The following INPP4B variants were observed in gnomAD, a reference collection of about 807,000 sequenced individuals.
The protein encoded by INPP4B is inositol polyphosphate-4-phosphatase type II B.
A neutral mutation model predicts 122.5 loss-of-function variants in INPP4B; 55 were observed. The observed-to-expected ratio is 0.45, with a 90% CI of 0.36 to 0.56. The LOEUF is 0.56. Ranked by LOEUF, INPP4B falls within the 20% of genes least tolerant of loss-of-function variation. The probability of loss-of-function intolerance (pLI) is 0.00; values close to 1 mark genes in which losing one functional copy is unlikely to be tolerated. For synonymous variants in INPP4B, 403 were observed against 388.7 expected, an observed-to-expected ratio of 1.04 and a Z score of -0.43; for missense variants, 1,000 against 1,097.7, an observed-to-expected ratio of 0.91 and a Z score of 1.26.
intron 7 of INPP4B, among the ~76,000 whole-genome samples, chr4:142,346,959 C>A (rs917904929): frequency 6.6e-6 from 1 of 152,016 alleles, no homozygotes; most frequent in Admixed American, 6.6e-5. Context: ...AGATGCCAGG[C>A]ATACTGATAT....
At chr4:142,836,301 CAAG>C (rs72369870) in intron 1 of INPP4B, among the ~76,000 whole-genome samples, 2,512 of 151,320 alleles carry the variant, frequency 0.017, 57 homozygotes, top group African/African-American at 0.057. Context: ...CAGAGAAAAT[CAAG>C]AAGAAGAAGG....
intron 5 of INPP4B, among the ~76,000 whole-genome samples, chr4:142,408,752 TAACA>T (rs1803980744): frequency 6.6e-6 from 1 of 152,204 alleles, no homozygotes. Flanking sequence ...TAATGGTCAG[TAACA>T]AACAAATGCT....
At chr4:142,821,258 G>T (rs1335217308) in intron 1 of INPP4B, among the ~76,000 whole-genome samples, 1 of 152,022 alleles carries the variant, frequency 6.6e-6, no homozygotes, top group African/African-American at 2.4e-5. Context: ...AAGTTCTCTT[G>T]AGTGGATTTA....
chr4:142,644,051 A>C (rs1751162207), intron 2 of INPP4B, among the ~76,000 whole-genome samples: 1 of 152,064 alleles, frequency 6.6e-6, no homozygotes, highest in Non-Finnish European at 1.5e-5. Context: ...AACTAAAAAA[A>C]TTAGCCAGGT....
chr4:142,807,757 A>G (rs1408207664), intron 1 of INPP4B, among the ~76,000 whole-genome samples: 1 of 151,244 alleles, frequency 6.6e-6, no homozygotes, highest in Admixed American at 6.6e-5. Context: ...CTACAATGTC[A>G]CAACTTTTAT....
chr4:142,516,208 C>A (rs144284164), intron 2 of INPP4B, among the ~76,000 whole-genome samples: 7 of 152,196 alleles, frequency 4.6e-5, no homozygotes, highest in Admixed American at 4.6e-4. Flanking sequence ...TCTATTACTG[C>A]AAACTGGATA....
chr4:142,376,238 T>C (rs867982226), intron 7 of INPP4B, among the ~76,000 whole-genome samples: 3 of 152,102 alleles, frequency 2.0e-5, no homozygotes, highest in African/African-American at 7.2e-5. Flanking sequence ...CATGAAGATA[T>C]ATAGTTCTTC....
intron 2 of INPP4B, among the ~76,000 whole-genome samples, chr4:142,545,752 TAC>T (rs1252029317): frequency 7.1e-6 from 1 of 141,318 alleles, no homozygotes; most frequent in African/African-American, 2.7e-5. Context: ...TGTATATATA[TAC>T]ACATGTATAT....
chr4:142,473,866 C>T (rs1192271926), intron 2 of INPP4B, among the ~76,000 whole-genome samples: 6 of 152,214 alleles, frequency 3.9e-5, no homozygotes, highest in Admixed American at 3.9e-4. Context: ...AGTGCAGCTT[C>T]CTGTTATCCC....
chr4:142,806,051 G>A (rs1290078358), intron 1 of INPP4B, among the ~76,000 whole-genome samples: 4 of 152,058 alleles, frequency 2.6e-5, no homozygotes, highest in Non-Finnish European at 5.9e-5. Flanking sequence ...AGGCCTAGGC[G>A]GGCGGATCAC....
intron 2 of INPP4B, among the ~76,000 whole-genome samples, chr4:142,516,654 T>G (rs1825447952): frequency 1.3e-5 from 2 of 152,184 alleles, no homozygotes. Flanking sequence ...CCTTGGTATC[T>G]TCCTTTTGTC....
At chr4:142,402,049 T>G (rs2149145980) in intron 7 of INPP4B, among the ~76,000 whole-genome samples, 1 of 152,260 alleles carries the variant, frequency 6.6e-6, no homozygotes, top group South Asian at 2.1e-4. Context: ...GAGTTCAAAG[T>G]GACATTTTCC....
At chr4:142,367,737 T>G (rs561976875) in intron 7 of INPP4B, among the ~76,000 whole-genome samples, 1 of 152,162 alleles carries the variant, frequency 6.6e-6, no homozygotes, top group Admixed American at 6.6e-5. Context: ...AGTTTGAGAA[T>G]TGTGCCAGGT....
chr4:142,138,452 G>T (rs1313955500), intron 18 of INPP4B, among the ~76,000 whole-genome samples: 3 of 149,534 alleles, frequency 2.0e-5, no homozygotes, highest in Non-Finnish European at 4.4e-5. Flanking sequence ...TGAGTTAATG[G>T]GTGCAGCACA....
At chr4:142,305,944 T>A (rs955553562) in intron 8 of INPP4B, 18 of 1,017,258 alleles carry the variant, frequency 1.8e-5, no homozygotes, top group Non-Finnish European at 2.1e-5. Flanking sequence ...ATTCCAGATA[T>A]GAGCAAATCT....
chr4:142,357,229 C>T (rs1008146886), intron 7 of INPP4B, among the ~76,000 whole-genome samples: 1 of 151,982 alleles, frequency 6.6e-6, no homozygotes, highest in Non-Finnish European at 1.5e-5. Context: ...CCAAGTCAGA[C>T]AGAAATTGTG....
chr4:142,397,019 G>A (rs1427442101), intron 7 of INPP4B, among the ~76,000 whole-genome samples: 1 of 152,078 alleles, frequency 6.6e-6, no homozygotes, highest in African/African-American at 2.4e-5. Flanking sequence ...ATGGGCATAC[G>A]CAATTGTCAA....
intron 1 of INPP4B, among the ~76,000 whole-genome samples, chr4:142,754,755 A>T (rs1770255239): frequency 6.6e-6 from 1 of 151,582 alleles, no homozygotes; most frequent in Admixed American, 6.6e-5. Flanking sequence ...TAGTGAATTT[A>T]TTAAATATGA....
intron 2 of INPP4B, among the ~76,000 whole-genome samples, chr4:142,719,929 T>TGAG (rs1764289917): frequency 1.3e-5 from 2 of 152,198 alleles, no homozygotes; most frequent in South Asian, 4.1e-4. Context: ...CACAATCTTC[T>TGAG]GATGGGCTAT....
Sources: allele counts gnomAD v4.1 joint callset (sites outside exome capture counted in the v4.1 genomes callset), GRCh38; gene constraint gnomAD v4.1.1; transcripts MANE v1.5; gene names NCBI Gene and HGNC (gene_info 2026-07-23, HGNC 2026-07-21).